The following BACE2 variants were observed in gnomAD, a reference collection of about 807,000 sequenced individuals.
BACE2 encodes beta-secretase 2, also known as 56 kDa aspartic-like protease.
In BACE2, 17 loss-of-function variants were observed where a neutral mutation model predicts 46.2. The observed-to-expected ratio is 0.37, with a 90% CI of 0.25 to 0.55. The LOEUF is 0.55. BACE2 is among the 20% of genes least tolerant of loss of function. The probability of loss-of-function intolerance (pLI) is 0.82; values close to 1 mark genes in which losing one functional copy is unlikely to be tolerated. For missense variants in BACE2, 595 were observed against 698.1 expected, an observed-to-expected ratio of 0.85 and a Z score of 1.66; for synonymous variants, 277 against 295.9, an observed-to-expected ratio of 0.94 and a Z score of 0.66.
chr21:41,217,963 G>A (rs1000543581), intron 1 of BACE2, among the ~76,000 whole-genome samples: 3 of 152,158 alleles, frequency 2.0e-5, no homozygotes, highest in Non-Finnish European at 2.9e-5. Context: ...GCGCAGCCCC[G>A]CCCACACCTA....
chr21:41,175,939 CA>C (rs1440717274), intron 1 of BACE2: 2 of 152,158 alleles, frequency 1.3e-5, no homozygotes, highest in Non-Finnish European at 1.5e-5. Context: ...CACTGACAAG[CA>C]GACAGAATTG....
intron 1 of BACE2, among the ~76,000 whole-genome samples, chr21:41,188,842 A>G (rs79250108): frequency 6.6e-6 from 1 of 152,290 alleles, no homozygotes; most frequent in African/African-American, 2.4e-5. Context: ...CTTAAGCCTC[A>G]TGTTCCAAGC....
intron 8 of BACE2, among the ~76,000 whole-genome samples, chr21:41,259,102 C>T (rs1485337949): frequency 1.3e-5 from 2 of 152,194 alleles, no homozygotes; most frequent in Non-Finnish European, 2.9e-5. Flanking sequence ...CTTAATACTG[C>T]AGAATCTAAT....
chr21:41,206,033 G>A (rs1986111865), intron 1 of BACE2, among the ~76,000 whole-genome samples: 1 of 152,196 alleles, frequency 6.6e-6, no homozygotes, highest in African/African-American at 2.4e-5. Context: ...CAACACAAGT[G>A]TCTGTGGACA....
chr21:41,228,470 C>G (rs1213408831), intron 2 of BACE2, among the ~76,000 whole-genome samples: 1 of 152,162 alleles, frequency 6.6e-6, no homozygotes, highest in African/African-American at 2.4e-5. Context: ...GCAGGCTGTA[C>G]AAGAAGCATG....
At chr21:41,235,895 A>G (rs1053347874) in intron 2 of BACE2, among the ~76,000 whole-genome samples, 4 of 152,236 alleles carry the variant, frequency 2.6e-5, no homozygotes, top group African/African-American at 4.8e-5. Flanking sequence ...TGATCATGTC[A>G]TCTCCAAACT....
intron 1 of BACE2, among the ~76,000 whole-genome samples, chr21:41,202,771 C>A (rs1986002361): frequency 6.6e-6 from 1 of 152,170 alleles, no homozygotes; most frequent in Admixed American, 6.5e-5. Context: ...CCAATCGGTG[C>A]TCCCCAGACC....
In BACE2 at chr21:41,281,187, A is replaced by C. The variant is rs561361584; in HGVS notation, c.*5563A>C. ...ATGGATAATTGTTTGTGTAAGACCA[A>C]CCAGATAAAGTCCAAACTGTGTAGA... On this transcript the variant is annotated 3_prime_UTR_variant, in exon 9 of 9. Coordinates refer to ENST00000330333, the MANE Select transcript of BACE2 (RefSeq NM_012105.5). 6.6e-6 allele frequency: 1 copy of C among 152,346 alleles called. No individual in the cohort carries two copies. The highest frequency in any genetic ancestry group is 2.4e-5 in the African/African-American group (1 of 41,578). The allele number at this position is 152,346 out of a possible 1,614,324, so 9.4% of individuals were successfully genotyped here.
Position 41,277,321 on chromosome 21 carries a change from C to T in BACE2, c.*1697C>T, listed in dbSNP as rs964931629. 1.3e-5 allele frequency: 2 copies of T among 152,162 alleles called. No individual in the cohort carries two copies. The highest frequency in any genetic ancestry group is 4.8e-5 in the African/African-American group (2 of 41,420). The allele number at this position is 152,162 out of a possible 1,614,324, so 9.4% of individuals were successfully genotyped here. A position where few individuals can be genotyped will look rare whatever the true frequency, so the allele number is the denominator to read the frequency against. On this transcript the variant is annotated 3_prime_UTR_variant, in exon 9 of 9. Coordinates refer to ENST00000330333, the MANE Select transcript of BACE2 (RefSeq NM_012105.5). Reference sequence around the variant, plus strand: ...AAGACTCTCCAGCAGCCAGAAGAACCTTCTGTGCTGTTTTCACTAGAGAAG... The same window carrying T: ...AAGACTCTCCAGCAGCCAGAAGAACTTTCTGTGCTGTTTTCACTAGAGAAG...
In BACE2 at chr21:41,192,574, C is replaced by A. The variant is rs529969151; in HGVS notation, c.312+23999C>A. Among the ~76,000 whole-genome samples, 19 of 152,302 alleles carry A rather than the reference C, an allele frequency of 1.2e-4. No individual in the cohort carries two copies. In the South Asian group the frequency reaches 3.7e-3, roughly 30 times the overall value. On this transcript the variant is annotated intron_variant, in intron 1 of 8. Coordinates refer to ENST00000330333, the MANE Select transcript of BACE2 (RefSeq NM_012105.5). ...TAGTTATCTGAAGAAGATGGCAGGG[C>A]CTTGCTCCAATATTCTAGAGGCCTC...
At chr21:41,249,517 T>C (rs1987577578) in intron 6 of BACE2, among the ~76,000 whole-genome samples, 1 of 152,152 alleles carries the variant, frequency 6.6e-6, no homozygotes, top group African/African-American at 2.4e-5. Context: ...GTGGCACCCC[T>C]CGTTCCCTCC....
At chr21:41,213,804 A>G (rs1339583659) in intron 1 of BACE2, among the ~76,000 whole-genome samples, 2 of 151,832 alleles carry the variant, frequency 1.3e-5, no homozygotes, top group African/African-American at 2.4e-5. Flanking sequence ...TTGTCTGGGC[A>G]GGGCCCGGCA....
At chr21:41,185,416 C>G (rs1313481330) in intron 1 of BACE2, among the ~76,000 whole-genome samples, 2 of 152,160 alleles carry the variant, frequency 1.3e-5, no homozygotes, top group Non-Finnish European at 2.9e-5. Flanking sequence ...AAATATTGGG[C>G]TGGCCACTTG....
At chr21:41,275,149 C>T (rs1011734070) in intron 8 of BACE2, among the ~76,000 whole-genome samples, 2 of 152,102 alleles carry the variant, frequency 1.3e-5, no homozygotes, top group Admixed American at 1.3e-4. Flanking sequence ...GGCTCGGTAC[C>T]CACACACCTT....
chr21:41,170,733 T>TA, intron 1 of BACE2, among the ~76,000 whole-genome samples: 1 of 152,154 alleles, frequency 6.6e-6, no homozygotes, highest in African/African-American at 2.4e-5. Flanking sequence ...AAGCCTAAAA[T>TA]AAAAATTGCT....
chr21:41,272,930 G>C (rs1416744132), intron 8 of BACE2, among the ~76,000 whole-genome samples: 1 of 152,134 alleles, frequency 6.6e-6, no homozygotes, highest in Non-Finnish European at 1.5e-5. Flanking sequence ...TTTCACGTAG[G>C]TTCTTTTCTA....
chr21:41,205,489 A>G (rs1986095875), intron 1 of BACE2, among the ~76,000 whole-genome samples: 1 of 152,224 alleles, frequency 6.6e-6, no homozygotes, highest in Non-Finnish European at 1.5e-5. Flanking sequence ...TTTAAATACA[A>G]TATGATTATT....
At chr21:41,230,883 G>T (rs1169364192) in intron 2 of BACE2, among the ~76,000 whole-genome samples, 1 of 152,102 alleles carries the variant, frequency 6.6e-6, no homozygotes, top group Non-Finnish European at 1.5e-5. Context: ...ATCTTTTTTA[G>T]CCAATAAAAT....
chr21:41,173,047 C>T (rs1984662097), intron 1 of BACE2, among the ~76,000 whole-genome samples: 1 of 152,184 alleles, frequency 6.6e-6, no homozygotes, highest in Non-Finnish European at 1.5e-5. Flanking sequence ...TAGATTAGGG[C>T]CTGCCCTCCT....
Sources: gnomAD v4.1 joint callset for allele counts (sites outside exome capture counted in the v4.1 genomes callset) on GRCh38, gnomAD v4.1.1 for gene constraint, MANE v1.5 for transcripts, NCBI Gene and HGNC (gene_info 2026-07-23, HGNC 2026-07-21) for gene names.